Variants in CELSR1 observed in about 807,000 individuals in gnomAD.
CELSR1 encodes cadherin EGF LAG seven-pass G-type receptor 1.
A neutral mutation model predicts 249.1 loss-of-function variants in CELSR1; 110 were observed. The observed-to-expected ratio is 0.44, with a 90% CI of 0.38 to 0.52. The LOEUF is 0.52. Ranked by LOEUF, CELSR1 falls within the 20% of genes least tolerant of loss-of-function variation. CELSR1 has a pLI of 0.00. For synonymous variants in CELSR1, 2,113 were observed against 1,900.0 expected, an observed-to-expected ratio of 1.11 and a Z score of -2.92; for missense variants, 4,109 against 4,296.4, an observed-to-expected ratio of 0.96 and a Z score of 1.22.
At chr22:46,372,726 G>A (rs1020170394) in intron 25 of CELSR1, among the ~76,000 whole-genome samples, 157 bp downstream of exon 25, 3 of 152,108 alleles carry the variant, frequency 2.0e-5, no homozygotes, top group Non-Finnish European at 4.4e-5. Flanking sequence ...GTGCCCCTGT[G>A]CATGCACTCG....
At chr22:46,397,085 A>G (rs991397816) in intron 12 of CELSR1, among the ~76,000 whole-genome samples, 2 of 152,018 alleles carry the variant, frequency 1.3e-5, no homozygotes, top group Non-Finnish European at 2.9e-5. Context: ...TTTTCTTAAT[A>G]TGCACTTTTC....
chr22:46,426,742 T>C (rs1337357282), intron 5 of CELSR1, among the ~76,000 whole-genome samples: 2 of 152,002 alleles, frequency 1.3e-5, no homozygotes, highest in East Asian at 3.9e-4. Flanking sequence ...CCCTCAAGAA[T>C]GGGATAAGGG....
chr22:46,535,908 G>T lies in CELSR1; in HGVS notation c.1263C>A (p.Ala421=). The change falls in exon 1 of 35, where the codon GCC becomes GCA. Residue 421 remains alanine, a synonymous_variant. Coordinates refer to ENST00000674500, the MANE Select transcript of CELSR1 (RefSeq NM_001378328.1). The part of the protein sequence containing the change: ...TRAVLDREEA[A]EYQLLVEAND... ...TGGCCTCCACCAGGAGCTGGTACTCGGCCGCCTCCTCCCGGTCCAGCACCG... is the reference window on the plus strand; with the variant it reads ...TGGCCTCCACCAGGAGCTGGTACTCTGCCGCCTCCTCCCGGTCCAGCACCG... The T allele has an allele frequency of 6.2e-7, 1 of 1,608,908 alleles. No homozygotes were observed. Among genetic ancestry groups the T allele is most frequent in the South Asian group, 1.1e-5 (1 of 91,010 alleles).
chr22:46,436,039 G>T lies in CELSR1; in HGVS notation c.4522+135C>A. On this transcript the variant is annotated intron_variant, in intron 4 of 34. Coordinates refer to ENST00000674500, the MANE Select transcript of CELSR1 (RefSeq NM_001378328.1). The surrounding 1 kb of genome is among the most constrained non-coding windows in gnomAD (Gnocchi z 5.9). ...TGTGTACTTTGGATTTCTTAAATAA[G>T]ACAGCTTCCTAGACCTACAAGTGAG... 1 of 655,220 alleles carries T rather than the reference G, an allele frequency of 1.5e-6. No homozygotes were observed. Among genetic ancestry groups the T allele is most frequent in the Non-Finnish European group, 2.6e-6 (1 of 382,716 alleles). The allele number at this position is 655,220 out of a possible 1,614,324, so 40.6% of individuals were successfully genotyped here. A position where few individuals can be genotyped will look rare whatever the true frequency, so the allele number is the denominator to read the frequency against.
chr22:46,536,826 TCCGCAGCCGGGAAGGTGCGTGCGCGC>T lies in CELSR1; in HGVS notation c.319_344del (p.Ala107SerfsTer141). 2 of 1,209,088 alleles carry T rather than the reference TCCGCAGCCGGGAAGGTGCGTGCGCGC, an allele frequency of 1.7e-6. No homozygotes were observed. The highest frequency in any genetic ancestry group is 2.1e-6 in the Non-Finnish European group (2 of 973,838). 74.9% of individuals were successfully genotyped at this position (1,209,088 alleles called of 1,614,324 possible). A position where few individuals can be genotyped will look rare whatever the true frequency, so the allele number is the denominator to read the frequency against. The stretch of plus-strand genomic sequence containing the variant: ...CGGTTCCGCAGAGCCGGGCACGGGC[TCCGCAGCCGGGAAGGTGCGTGCGCGC>T]CCGCAGGCGGCGGCTCAGCGCCGTC... On this transcript the variant is annotated frameshift_variant, in exon 1 of 35. Transcript: ENST00000674500. LOFTEE classifies it high-confidence loss of function.
At chr22:46,491,571 G>GT (rs1330441715) in intron 1 of CELSR1, among the ~76,000 whole-genome samples, 1 of 150,092 alleles carries the variant, frequency 6.7e-6, no homozygotes, top group African/African-American at 2.5e-5. Flanking sequence ...CCGTGAGAAA[G>GT]TAACTTTTTA....
intron 1 of CELSR1, among the ~76,000 whole-genome samples, chr22:46,474,555 G>A (rs2080188128): frequency 6.6e-6 from 1 of 151,986 alleles, no homozygotes; most frequent in African/African-American, 2.4e-5. Context: ...TCCATTACTT[G>A]TAAATTTATC....
intron 5 of CELSR1, among the ~76,000 whole-genome samples, chr22:46,422,673 A>G (rs895113560): frequency 6.6e-6 from 1 of 151,568 alleles, no homozygotes; most frequent in African/African-American, 2.4e-5. Context: ...AGACTGAGGC[A>G]GGAGAATGGT....
chr22:46,424,065 T>A (rs2079510550), intron 5 of CELSR1, among the ~76,000 whole-genome samples: 1 of 151,516 alleles, frequency 6.6e-6, no homozygotes, highest in Admixed American at 6.6e-5. Context: ...TTGTAAATCT[T>A]AAAAAAAAAT....
In CELSR1 at chr22:46,411,381, G is replaced by A. The variant is rs373425416; in HGVS notation, c.4769+221C>T. On this transcript the variant is annotated intron_variant, in intron 6 of 34. Transcript: ENST00000674500. The surrounding 1 kb of genome is among the most constrained non-coding windows in gnomAD (Gnocchi z 4.2). ...TGCAAGCTGGCCATCACAACCCTGG[G>A]GTCGGCCTGGCCACTCTTGACACAT... Among the ~76,000 whole-genome samples the A allele has an allele frequency of 1.7e-4, 26 of 152,302 alleles. No individual in the cohort carries two copies. Among genetic ancestry groups the A allele is most frequent in the African/African-American group, 6.3e-4 (26 of 41,574 alleles).
chr22:46,384,518 G>A lies in CELSR1; in HGVS notation c.6883+25C>T, dbSNP rs763161800. On this transcript the variant is annotated intron_variant, in intron 20 of 34. Transcript: ENST00000674500. ...CTGAACGCTGGGGACTCCGAGGGCA[G>A]CAGCAGGTTTCTAAGCGGTTTTACC... is the stretch of plus-strand genomic sequence containing the variant. The A allele has an allele frequency of 1.6e-5, 25 of 1,569,298 alleles. No individual in the cohort carries two copies. The East Asian group carries it at 2.3e-4, about 14-fold the overall frequency.
At chr22:46,383,676 G>A (rs974772525) in intron 20 of CELSR1, among the ~76,000 whole-genome samples, 18 of 151,936 alleles carry the variant, frequency 1.2e-4, no homozygotes, top group African/African-American at 4.4e-4. Flanking sequence ...ACAGGCATGC[G>A]CCACCATGCC....
intron 2 of CELSR1, among the ~76,000 whole-genome samples, chr22:46,456,392 G>A (rs1468089223): frequency 1.3e-5 from 2 of 152,140 alleles, no homozygotes; most frequent in East Asian, 1.9e-4. Flanking sequence ...GGGCACGGTG[G>A]CTCACGCCTG....
At chr22:46,529,100 C>T (rs2080767158) in intron 1 of CELSR1, among the ~76,000 whole-genome samples, 1 of 151,450 alleles carries the variant, frequency 6.6e-6, no homozygotes, top group Non-Finnish European at 1.5e-5. Flanking sequence ...CCCGTCTCTA[C>T]TAAAAATACA....
chr22:46,389,213 C>T (rs1420972961), intron 18 of CELSR1, 77 bp downstream of exon 18: 19 of 1,479,640 alleles, frequency 1.3e-5, no homozygotes, highest in Admixed American at 3.5e-5. Flanking sequence ...GGTAGACGCC[C>T]AGCCCCACAG....
chr22:46,496,408 A>C (rs998626741), intron 1 of CELSR1, among the ~76,000 whole-genome samples: 1 of 151,996 alleles, frequency 6.6e-6, no homozygotes, highest in African/African-American at 2.4e-5. Flanking sequence ...TCTCTACTAA[A>C]AACACAAAAA....
chr22:46,421,430 G>C (rs916889514), intron 5 of CELSR1, among the ~76,000 whole-genome samples: 1 of 152,174 alleles, frequency 6.6e-6, no homozygotes, highest in Non-Finnish European at 1.5e-5. Context: ...TTCCATAACA[G>C]GGTTCTGTAA....
At position 46,535,401 on chromosome 22, in the gene CELSR1, C is replaced by T; in HGVS notation, c.1770G>A (p.Val590=). The T allele has an allele frequency of 1.9e-6, 3 of 1,609,838 alleles. No individual in the cohort carries two copies. Among genetic ancestry groups the T allele is most frequent in the African/African-American group, 2.7e-5 (2 of 75,048 alleles). ...LGYPVVHIQA[V]DADSGENARL... Reference sequence around the variant, plus strand: ...GGGCGTTCTCTCCAGAGTCCGCGTCCACCGCCTGAATGTGCACCACGGGGT... The same window carrying T: ...GGGCGTTCTCTCCAGAGTCCGCGTCTACCGCCTGAATGTGCACCACGGGGT... Residue 590 remains valine (V), a synonymous_variant, in exon 1 of 35, where the codon GTG becomes GTA. Coordinates refer to ENST00000674500, the MANE Select transcript of CELSR1 (RefSeq NM_001378328.1).
At chr22:46,385,585 G>A (rs1364003285) in intron 19 of CELSR1, among the ~76,000 whole-genome samples, 1 of 151,956 alleles carries the variant, frequency 6.6e-6, no homozygotes, top group Non-Finnish European at 1.5e-5. Flanking sequence ...CCCGGGACCT[G>A]TCCCCTGGGA....
Sources: gnomAD v4.1 joint callset for allele counts (sites outside exome capture counted in the v4.1 genomes callset) on GRCh38, gnomAD v4.1.1 for gene constraint, Gnocchi (gnomAD v3.1) non-coding constraint, MANE v1.5 for transcripts, NCBI Gene and HGNC (gene_info 2026-07-23, HGNC 2026-07-21) for gene names.